The following DYNC2I1 variants were observed in gnomAD, a reference collection of about 807,000 sequenced individuals.
DYNC2I1 encodes the protein cytoplasmic dynein 2 intermediate chain 1.
Under a neutral mutation model 133.4 loss-of-function variants are expected in DYNC2I1, and 89 were observed. The ratio of observed to expected loss-of-function variants is 0.67; its 90% CI spans 0.56 to 0.80. The LOEUF (loss-of-function observed/expected upper bound fraction) is 0.80, where lower values mean the gene tolerates loss of function less well. Among genes scored for constraint, DYNC2I1 ranks in the 30% least tolerant of loss-of-function variants. DYNC2I1 has a pLI of 0.00. For synonymous variants in DYNC2I1, 504 were observed against 484.3 expected (o/e 1.04, Z -0.54); for missense variants, 1,291 against 1,314.5 (o/e 0.98, Z 0.28).
chr7:158,869,800 A>G, intron 1 of DYNC2I1, 55 bp from the exon 2 acceptor site: 2 of 1,455,750 alleles, frequency 1.4e-6, no homozygotes, highest in Non-Finnish European at 9.4e-7. Flanking sequence ...GCAGCTCACT[A>G]CAACACTGAA....
chr7:158,939,912 A>G (rs1346420857), intron 23 of DYNC2I1, among the ~76,000 whole-genome samples: 1 of 152,214 alleles, frequency 6.6e-6, no homozygotes, highest in African/African-American at 2.4e-5. Context: ...TTACTATATA[A>G]TGATACAGGG....
intron 6 of DYNC2I1, among the ~76,000 whole-genome samples, chr7:158,886,139 T>C (rs1844576205): frequency 6.6e-6 from 1 of 151,900 alleles, no homozygotes; most frequent in Non-Finnish European, 1.5e-5. Context: ...ACTCTTTTTA[T>C]TTTTTGTTTT....
At chr7:158,948,593 C>T (rs1183184127), downstream of DYNC2I1, among the ~76,000 whole-genome samples, 4 of 152,008 alleles carry the variant, frequency 2.6e-5, no homozygotes, top group Admixed American at 1.3e-4. Context: ...GAAGGTGGCG[C>T]GGGGGATGGC....
chr7:158,902,390 CTT>C lies in DYNC2I1; in HGVS notation c.1154_1155del (p.Phe385Ter), dbSNP rs769234042. Reference protein sequence around the residue: ...EDDFEDYEDDFEVCDGDDDES... With the variant: ...EDDFEDYEDDXEVCDGDDDES... ...ATTGTTTGCAGGACTATGAAGATGACTTTGAGGTTTGTGATGGTGATGATGAT... is the reference window on the plus strand; with the variant it reads ...ATTGTTTGCAGGACTATGAAGATGACTGAGGTTTGTGATGGTGATGATGAT... On this transcript the variant is annotated frameshift_variant, in exon 10 of 25. Transcript: ENST00000407559. LOFTEE classifies it high-confidence loss of function. 2 of 1,612,670 alleles carry C rather than the reference CTT, an allele frequency of 1.2e-6. No individual in the cohort carries two copies. The highest frequency in any genetic ancestry group is 1.3e-5 in the African/African-American group (1 of 74,892).
chr7:158,854,506 G>GA (rs1331718866), upstream of DYNC2I1, among the ~76,000 whole-genome samples: 5 of 150,906 alleles, frequency 3.3e-5, no homozygotes, highest in African/African-American at 1.2e-4. Flanking sequence ...TGTCGGGGGG[G>GA]GCTGGGGGAT....
At chr7:158,854,032 C>G (rs60605211), upstream of DYNC2I1, among the ~76,000 whole-genome samples, 66,465 of 146,318 alleles carry the variant, frequency 0.45, 16,273 homozygotes, top group East Asian at 0.7. Flanking sequence ...GGTGGGGGGG[C>G]GTTGAGAAGT....
At chr7:158,900,278 C>T (rs1416892631) in intron 8 of DYNC2I1, among the ~76,000 whole-genome samples, 5 of 152,090 alleles carry the variant, frequency 3.3e-5, no homozygotes, top group East Asian at 1.9e-4. Flanking sequence ...AGTGCCACCA[C>T]GCCCAGCTAA....
At position 158,871,236 on chromosome 7, in the gene DYNC2I1, C is replaced by T. The variant is rs372761033; in HGVS notation, c.164C>T (p.Pro55Leu). The change falls in exon 3 of 25, where the codon CCG (proline) becomes CTG (leucine). Residue 55 changes from proline (P) to leucine (L), a missense_variant. By Grantham distance (98) the Pro-to-Leu change is moderately conservative (BLOSUM62 -3). Transcript: ENST00000407559. ...ATGGACCTTCCTGAACATAAGGAGCCGAGGTGCAGGGATCCCGACCAGGAT... is the reference window on the plus strand; with the variant it reads ...ATGGACCTTCCTGAACATAAGGAGCTGAGGTGCAGGGATCCCGACCAGGAT... ...SEMDLPEHKE[P>L]RCRDPDQDAR... 26 of 1,612,450 alleles carry T rather than the reference C, an allele frequency of 1.6e-5. No homozygotes were observed. Among genetic ancestry groups the T allele is most frequent in the South Asian group, 4.4e-5 (4 of 90,818 alleles).
intron 6 of DYNC2I1, 93 bp downstream of exon 6, chr7:158,884,712 TC>T: frequency 7.6e-7 from 1 of 1,317,226 alleles, no homozygotes; most frequent in Non-Finnish European, 1.1e-6. Flanking sequence ...TGACGGCCAG[TC>T]CATGGCAATC....
chr7:158,893,663 C>G (rs79031549), intron 8 of DYNC2I1, among the ~76,000 whole-genome samples: 1 of 151,998 alleles, frequency 6.6e-6, no homozygotes, highest in African/African-American at 2.4e-5. Flanking sequence ...CATGTCACAC[C>G]GCATATCATA....
chr7:158,853,685 G>C (rs978089850), upstream of DYNC2I1, among the ~76,000 whole-genome samples: 4 of 144,488 alleles, frequency 2.8e-5, no homozygotes, highest in Non-Finnish European at 1.5e-5. Flanking sequence ...ATGGAGTTTT[G>C]CTCTTGTTGC....
At position 158,918,885 on chromosome 7, in the gene DYNC2I1, C is replaced by A; in HGVS notation, c.1921+16C>A. The A allele has an allele frequency of 6.2e-7, 1 of 1,605,624 alleles. No individual in the cohort carries two copies. The highest frequency in any genetic ancestry group is 8.5e-7 in the Non-Finnish European group (1 of 1,174,502). The stretch of plus-strand genomic sequence containing the variant: ...TTCCTTCAAAGTAAGAGGCTGTTCT[C>A]AAATATGATTTTAAATCCAGTGACT... On this transcript the variant is annotated intron_variant, in intron 15 of 24. Transcript: ENST00000407559.
At chr7:158,863,214 T>G (rs1466504235) in intron 1 of DYNC2I1, among the ~76,000 whole-genome samples, 2 of 151,886 alleles carry the variant, frequency 1.3e-5, no homozygotes, top group African/African-American at 4.8e-5. Flanking sequence ...GAGTGCTGAT[T>G]AGTGCATTTT....
chr7:158,948,163 C>A (rs1355932155), downstream of DYNC2I1, among the ~76,000 whole-genome samples: 3 of 152,156 alleles, frequency 2.0e-5, no homozygotes, highest in East Asian at 3.9e-4. Context: ...CTCTAAAAAA[C>A]ACATTTCACA....
At chr7:158,894,720 G>A (rs1226858461) in intron 8 of DYNC2I1, among the ~76,000 whole-genome samples, 1 of 152,200 alleles carries the variant, frequency 6.6e-6, no homozygotes, top group East Asian at 1.9e-4. Context: ...GAGTGTGATT[G>A]CTGGATCATA....
At chr7:158,917,245 G>A (rs183555426) in intron 14 of DYNC2I1, among the ~76,000 whole-genome samples, 4 of 119,170 alleles carry the variant, frequency 3.4e-5, no homozygotes, top group Admixed American at 7.6e-5. Context: ...ATGTTGACAC[G>A]CTCGTTGACA....
chr7:158,866,690 GC>G (rs1842436392), intron 1 of DYNC2I1, among the ~76,000 whole-genome samples: 1 of 151,974 alleles, frequency 6.6e-6, no homozygotes, highest in South Asian at 2.1e-4. Context: ...TTCGAGACCA[GC>G]CTGACCAACA....
chr7:158,840,514 C>G, the DYNC2I1 span, among the ~76,000 whole-genome samples: 1 of 152,194 alleles, frequency 6.6e-6, no homozygotes, highest in Non-Finnish European at 1.5e-5. Flanking sequence ...TTGCAGTGAG[C>G]TGAGATCATG....
chr7:158,934,572 G>T (rs1850561228), intron 23 of DYNC2I1, 23 bp downstream of exon 23: 1 of 1,548,628 alleles, frequency 6.5e-7, no homozygotes. Context: ...GTTTTTCAGA[G>T]CTCCAATTCT....
Sources: allele counts gnomAD v4.1 joint callset (sites outside exome capture counted in the v4.1 genomes callset), GRCh38; gene constraint gnomAD v4.1.1; transcripts MANE v1.5; gene names NCBI Gene and HGNC (gene_info 2026-07-23, HGNC 2026-07-21).